The following CGNL1 variants were observed in gnomAD, a reference collection of about 807,000 sequenced individuals.
CGNL1 encodes cingulin like 1, also known as cingulin-like protein 1.
In CGNL1, 132 loss-of-function variants were observed where a neutral mutation model predicts 141.2. The observed-to-expected ratio is 0.93, with a 90% confidence interval of 0.81 to 1.08. The LOEUF is 1.08. Ranked by LOEUF, CGNL1 falls within the 50% of genes least tolerant of loss-of-function variation. CGNL1 has a pLI of 0.00. For synonymous variants in CGNL1, 690 were observed against 622.1 expected (o/e 1.11, Z -1.63); for missense variants, 1,870 against 1,588.6 (o/e 1.18, Z -3.01).
intron 3 of CGNL1, among the ~76,000 whole-genome samples, 191 bp from the exon 4 acceptor site, chr15:57,442,182 G>GAAAAAAAAAAAAAAAAAAAAAAAAAAAA (rs61564944): frequency 3.1e-5 from 3 of 96,512 alleles, no homozygotes; most frequent in African/African-American, 1.3e-4. Context: ...TCATTTATTT[G>GAAAAAAAAAAAAAAAAAAAAAAAAAAAA]AAAAAAAAAA....
chr15:57,380,635 G>C (rs1242872981), intron 1 of CGNL1, among the ~76,000 whole-genome samples: 1 of 152,100 alleles, frequency 6.6e-6, no homozygotes, highest in Non-Finnish European at 1.5e-5. Context: ...ACTGATTTTG[G>C]AAATGTCCGA....
At chr15:57,397,575 A>G in intron 1 of CGNL1, among the ~76,000 whole-genome samples, 1 of 151,226 alleles carries the variant, frequency 6.6e-6, no homozygotes, top group East Asian at 1.9e-4. Flanking sequence ...ATAGAATCAC[A>G]TTACAGAAGC....
intron 13 of CGNL1, among the ~76,000 whole-genome samples, chr15:57,530,112 G>A (rs2031867217): frequency 6.6e-6 from 1 of 152,248 alleles, no homozygotes; most frequent in South Asian, 2.1e-4. Context: ...AACCTTTGGA[G>A]TAATGGCCCT....
chr15:57,386,120 A>G (rs1296063232), intron 1 of CGNL1, among the ~76,000 whole-genome samples: 6 of 152,252 alleles, frequency 3.9e-5, no homozygotes, highest in African/African-American at 1.4e-4. Flanking sequence ...TCCATTAAAC[A>G]TGACTTAACT....
At position 57,438,344 on chromosome 15, in the gene CGNL1, A is replaced by T; in HGVS notation, c.345A>T (p.Arg115Ser). The change falls in exon 2 of 19, where the codon AGA (arginine) becomes AGT (serine). Residue 115 changes from arginine to serine, a missense_variant. By Grantham distance (110) the Arg-to-Ser change is moderately radical (BLOSUM62 -1). Coordinates refer to ENST00000281282, the MANE Select transcript of CGNL1 (RefSeq NM_032866.5). ...ENPYAQPSPI[R>S]NLKQPLLHEG... ...CATACGCCCAGCCTAGCCCAATAAG[A>T]AACCTGAAACAGCCCCTGCTCCATG... 1 of 1,614,092 alleles carries T rather than the reference A, an allele frequency of 6.2e-7. No individual in the cohort carries two copies. Among genetic ancestry groups the T allele is most frequent in the Non-Finnish European group, 8.5e-7 (1 of 1,180,036 alleles).
rs763218863 is a variant in CGNL1 at position 57,438,717 on chromosome 15, T to C, written c.718T>C (p.Cys240Arg). 5.0e-6 allele frequency: 8 copies of C among 1,614,170 alleles called. No individual in the cohort carries two copies. The Admixed American group carries it at 1.3e-4, about 27-fold the overall frequency. Residue 240 changes from cysteine (C) to arginine (R), a missense_variant, in exon 2 of 19, where the codon TGC becomes CGC. Physicochemically the swap from Cys to Arg is radical, Grantham distance 180. Coordinates refer to ENST00000281282, the MANE Select transcript of CGNL1 (RefSeq NM_032866.5). ...QTSVCVNVQS[C>R]TKERVGEEAL... is the part of the protein sequence containing the mutation. ...CTCAGTGTGTGTAAACGTTCAGAGC[T>C]GCACCAAGGAGAGGGTGGGAGAGGA...
Position 57,523,542 on chromosome 15 carries a change from A to C in CGNL1, c.2769A>C (p.Lys923Asn). The change falls in exon 11 of 19, where the codon AAA (lysine) becomes AAC (asparagine). Residue 923 changes from lysine (K) to asparagine (N), a missense_variant. Coordinates refer to ENST00000281282, the MANE Select transcript of CGNL1 (RefSeq NM_032866.5). ...AGAAGCAGTTGTCTGAGAAGCTCAAAGAGGAGAGTGAGCAGAAGGAGCAGC... is the reference window on the plus strand; with the variant it reads ...AGAAGCAGTTGTCTGAGAAGCTCAACGAGGAGAGTGAGCAGAAGGAGCAGC... ...QEQKQLSEKL[K>N]EESEQKEQLR... 1.2e-6 allele frequency: 2 copies of C among 1,614,200 alleles called. No homozygotes were observed. Among genetic ancestry groups the C allele is most frequent in the Non-Finnish European group, 8.5e-7 (1 of 1,180,022 alleles).
intron 14 of CGNL1, among the ~76,000 whole-genome samples, chr15:57,533,054 T>C (rs1377805853): frequency 6.6e-6 from 1 of 152,200 alleles, no homozygotes; most frequent in East Asian, 1.9e-4. Context: ...CTGCTCAAAG[T>C]AGAACGTGAA....
intron 14 of CGNL1, among the ~76,000 whole-genome samples, chr15:57,538,759 A>C (rs2032402164): frequency 6.6e-6 from 1 of 152,068 alleles, no homozygotes; most frequent in African/African-American, 2.4e-5. Flanking sequence ...CGCTCTCTGC[A>C]CTCTGCCTCA....
intron 1 of CGNL1, among the ~76,000 whole-genome samples, chr15:57,432,942 A>G (rs2152298231): frequency 6.6e-6 from 1 of 152,354 alleles, no homozygotes; most frequent in Non-Finnish European, 1.5e-5. Context: ...ATTAGTGTTG[A>G]CTGTAGTAGG....
chr15:57,545,294 C>T (rs138580723), intron 16 of CGNL1, among the ~76,000 whole-genome samples: 137 of 152,354 alleles, frequency 9.0e-4, no homozygotes, highest in South Asian at 2.1e-3. Context: ...CCCAAGACAT[C>T]TGCAGTTTGT....
intron 4 of CGNL1, among the ~76,000 whole-genome samples, chr15:57,446,215 G>T (rs565113976): frequency 6.6e-6 from 1 of 152,108 alleles, no homozygotes; most frequent in Non-Finnish European, 1.5e-5. Flanking sequence ...TTTTATTGGG[G>T]TATAACTTAT....
Position 57,442,419 on chromosome 15 carries a change from T to C in CGNL1, c.1744T>C (p.Phe582Leu). ...DATKRKVNLV[F>L]EKIQTLKSRA... is the part of the protein sequence containing the mutation. ...TACTAAAAGGAAAGTCAACTTGGTC[T>C]TTGAGAAAATCCAGACCTTAAAGTC... The change falls in exon 4 of 19, where the codon TTT (phenylalanine) becomes CTT (leucine). Residue 582 changes from phenylalanine (F) to leucine (L), a missense_variant. Phe to Leu is a conservative substitution (Grantham distance 22). Transcript: ENST00000281282. 1 of 1,613,826 alleles carries C rather than the reference T, an allele frequency of 6.2e-7. No individual in the cohort carries two copies. The highest frequency in any genetic ancestry group is 8.5e-7 in the Non-Finnish European group (1 of 1,179,776).
chr15:57,451,752 T>C, intron 5 of CGNL1, 151 bp downstream of exon 5: 1 of 625,576 alleles, frequency 1.6e-6, no homozygotes, highest in South Asian at 2.2e-5. Flanking sequence ...CCTGTGTATT[T>C]GGCTGCTGCT....
At chr15:57,432,567 G>C (rs187276845) in intron 1 of CGNL1, among the ~76,000 whole-genome samples, 12 of 152,326 alleles carry the variant, frequency 7.9e-5, no homozygotes, top group African/African-American at 2.9e-4. Flanking sequence ...CCTGGCGATT[G>C]ATCAGCGTTT....
In CGNL1 at chr15:57,542,541, G is replaced by C. The variant is rs138534376; in HGVS notation, c.3292-1155G>C. ...CTACACAGCGAGGCTCCTTTCCTGAGCATAGAGGAAACCCTCAGGAGTGTT... is the reference window on the plus strand; with the variant it reads ...CTACACAGCGAGGCTCCTTTCCTGACCATAGAGGAAACCCTCAGGAGTGTT... On this transcript the variant is annotated intron_variant, in intron 14 of 18. Coordinates refer to ENST00000281282, the MANE Select transcript of CGNL1 (RefSeq NM_032866.5). Among the ~76,000 whole-genome samples the C allele has an allele frequency of 3.0e-3, 457 of 152,360 alleles. 2 individuals are homozygous for C. Among genetic ancestry groups the C allele is most frequent in the African/African-American group, 0.01 (432 of 41,578 alleles).
intron 13 of CGNL1, among the ~76,000 whole-genome samples, chr15:57,531,302 A>G (rs1391481798): frequency 6.6e-6 from 1 of 152,202 alleles, no homozygotes; most frequent in East Asian, 1.9e-4. Context: ...CGGAGCGTCA[A>G]GTGTTTTTTC....
chr15:57,442,295 G>A lies in CGNL1; in HGVS notation c.1698-78G>A, dbSNP rs893765694. On this transcript the variant is annotated intron_variant, in intron 3 of 18. Coordinates refer to ENST00000281282, the MANE Select transcript of CGNL1 (RefSeq NM_032866.5). ...ATTATCTCCTTAAAGGACCTGTTGG[G>A]TGTGTGTCATGACATATAAATTGTT... is the stretch of plus-strand genomic sequence containing the variant. 4.9e-6 allele frequency: 4 copies of A among 813,952 alleles called. No individual in the cohort carries two copies. In the East Asian group the frequency reaches 1.1e-4, roughly 22 times the overall value. 50.4% of individuals were successfully genotyped at this position (813,952 alleles called of 1,614,324 possible).
intron 8 of CGNL1, among the ~76,000 whole-genome samples, chr15:57,516,083 C>T (rs2030759743): frequency 1.3e-5 from 2 of 149,260 alleles, no homozygotes; most frequent in African/African-American, 2.5e-5. Flanking sequence ...GGTGTGAACC[C>T]AGGAGGCGGA....
Sources: allele counts gnomAD v4.1 joint callset (sites outside exome capture counted in the v4.1 genomes callset), GRCh38; gene constraint gnomAD v4.1.1; transcripts MANE v1.5; gene names NCBI Gene and HGNC (gene_info 2026-07-23, HGNC 2026-07-21).